The following SNRPB2 variants were observed in gnomAD, a reference collection of about 807,000 sequenced individuals.
SNRPB2 encodes the protein U2 small nuclear ribonucleoprotein B''.
SNRPB2 carries 16 observed loss-of-function variants against 26.3 expected under a neutral mutation model. The observed-to-expected ratio is 0.61, with a 90% confidence interval of 0.41 to 0.92. SNRPB2 has a LOEUF of 0.92. Ranked by LOEUF, SNRPB2 falls within the 40% of genes least tolerant of loss-of-function variation. The pLI, the probability that SNRPB2 is intolerant of heterozygous loss-of-function variation, is 0.00. For synonymous variants in SNRPB2, 75 were observed against 89.0 expected (o/e 0.84, Z 0.88); for missense variants, 179 against 268.1 (o/e 0.67, Z 2.32).
chr20:16,730,791 A>G (rs2072384778), intron 1 of SNRPB2: 1 of 152,290 alleles, frequency 6.6e-6, no homozygotes, highest in South Asian at 2.1e-4. Flanking sequence ...AAACCATGTA[A>G]AAAATGCAAT....
chr20:16,740,235 T>C lies in SNRPB2; in HGVS notation c.430-90T>C, dbSNP rs1185848192. 4 of 1,559,314 alleles carry C rather than the reference T, an allele frequency of 2.6e-6. No individual in the cohort carries two copies. The African/African-American group carries it at 4.1e-5, about 16-fold the overall frequency. ...TTCTCCAGTGTCATTGTTTTTCAGCTTTATTGTTTGATATAGTAAGATTTC... is the reference window on the plus strand; with the variant it reads ...TTCTCCAGTGTCATTGTTTTTCAGCCTTATTGTTTGATATAGTAAGATTTC... On this transcript the variant is annotated intron_variant, in intron 5 of 6. Transcript: ENST00000246071.
intron 3 of SNRPB2, among the ~76,000 whole-genome samples, chr20:16,735,071 AAG>A (rs750589014): frequency 6.6e-6 from 1 of 152,140 alleles, no homozygotes; most frequent in Non-Finnish European, 1.5e-5. Context: ...ACCAGCCAGA[AAG>A]AGCCTGGGAT....
At chr20:16,731,378 GAA>G (rs984019525) in intron 1 of SNRPB2, among the ~76,000 whole-genome samples, 2 of 152,314 alleles carry the variant, frequency 1.3e-5, no homozygotes, top group Admixed American at 6.5e-5. Flanking sequence ...GAGGTGGAAA[GAA>G]AATGTCACGT....
rs900159696 is a variant in SNRPB2 at position 16,742,497 on chromosome 20, T to C, written c.*1492T>C. The stretch of plus-strand genomic sequence containing the variant: ...ATACTCTGAGTGAAATGGGGGACTA[T>C]TTTAGAGAATTTTTTTAAAGTGGGT... On this transcript the variant is annotated 3_prime_UTR_variant, in exon 7 of 7. Transcript: ENST00000246071. 1.3e-5 allele frequency: 2 copies of C among 151,546 alleles called. No individual in the cohort carries two copies. Among genetic ancestry groups the C allele is most frequent in the East Asian group, 2.0e-4 (1 of 5,106 alleles). 9.4% of individuals were successfully genotyped at this position (151,546 alleles called of 1,614,324 possible).
At chr20:16,734,759 G>A (rs1426775641) in intron 3 of SNRPB2, among the ~76,000 whole-genome samples, 1 of 152,178 alleles carries the variant, frequency 6.6e-6, no homozygotes, top group African/African-American at 2.4e-5. Flanking sequence ...TGCTCTGACA[G>A]ACAAAATCAC....
At chr20:16,730,494 C>G (rs2072382450) in intron 1 of SNRPB2, 1 of 152,254 alleles carries the variant, frequency 6.6e-6, no homozygotes, top group Non-Finnish European at 1.5e-5. Context: ...AAGAGCCTCC[C>G]CTTTGTCCCC....
rs1472898494 is a variant in SNRPB2 at position 16,741,811 on chromosome 20, G to A, written c.*806G>A. 1 of 152,118 alleles carries A rather than the reference G, an allele frequency of 6.6e-6. No individual in the cohort carries two copies. The highest frequency in any genetic ancestry group is 1.5e-5 in the Non-Finnish European group (1 of 68,024). The allele number at this position is 152,118 out of a possible 1,614,324, so 9.4% of individuals were successfully genotyped here. A position where few individuals can be genotyped will look rare whatever the true frequency, so the allele number is the denominator to read the frequency against. The stretch of plus-strand genomic sequence containing the variant: ...TTCTTTGTAATTCTTAAACACCAAT[G>A]TTCAAATATTTCCAAAGCCCATTTT... On this transcript the variant is annotated 3_prime_UTR_variant, in exon 7 of 7. Coordinates refer to ENST00000246071, the MANE Select transcript of SNRPB2 (RefSeq NM_003092.5).
chr20:16,731,796 A>G (rs1285688675), intron 2 of SNRPB2, 30 bp downstream of exon 2: 1 of 1,610,362 alleles, frequency 6.2e-7, no homozygotes. Flanking sequence ...CTTGTTCACT[A>G]CTAAAATGTG....
intron 2 of SNRPB2, 22 bp from the exon 3 acceptor site, chr20:16,732,142 G>T (rs200682492): frequency 6.7e-7 from 1 of 1,486,700 alleles, no homozygotes; most frequent in Non-Finnish European, 9.2e-7. Context: ...CCAATAACTT[G>T]TTTCTTTTCT....
At chr20:16,732,892 G>A (rs2072402070) in intron 3 of SNRPB2, among the ~76,000 whole-genome samples, 1 of 152,194 alleles carries the variant, frequency 6.6e-6, no homozygotes, top group African/African-American at 2.4e-5. Flanking sequence ...GCTGGATGAA[G>A]GTCGCATTGT....
chr20:16,733,653 C>A (rs112179610), intron 3 of SNRPB2, among the ~76,000 whole-genome samples: 311 of 152,356 alleles, frequency 2.0e-3, no homozygotes, highest in Non-Finnish European at 2.9e-3. Flanking sequence ...CTACTCAACT[C>A]TGCTTTTATA....
At chr20:16,732,479 A>G in intron 3 of SNRPB2, 143 bp downstream of exon 3, 1 of 542,116 alleles carries the variant, frequency 1.8e-6, no homozygotes, top group Non-Finnish European at 3.2e-6. Context: ...TTATAGAAAA[A>G]CAGTAGTGGT....
At chr20:16,738,802 C>T (rs753354670) in intron 4 of SNRPB2, 50 bp from the exon 5 acceptor site, 25 of 985,922 alleles carry the variant, frequency 2.5e-5, no homozygotes, top group African/African-American at 3.2e-5. Context: ...ATACCTGCTG[C>T]GTTTTTGGAG....
intron 3 of SNRPB2, among the ~76,000 whole-genome samples, chr20:16,734,897 C>T (rs1170457444): frequency 6.6e-6 from 1 of 152,168 alleles, no homozygotes; most frequent in Non-Finnish European, 1.5e-5. Flanking sequence ...AGGTCAGGCA[C>T]GAGGTTGCAG....
At position 16,741,488 on chromosome 20, in the gene SNRPB2, G is replaced by A. The variant is rs2072462410; in HGVS notation, c.*483G>A. 2 of 152,182 alleles carry A rather than the reference G, an allele frequency of 1.3e-5. No individual in the cohort carries two copies. Among genetic ancestry groups the A allele is most frequent in the Admixed American group, 1.3e-4 (2 of 15,282 alleles). 9.4% of individuals were successfully genotyped at this position (152,182 alleles called of 1,614,324 possible). A position where few individuals can be genotyped will look rare whatever the true frequency, so the allele number is the denominator to read the frequency against. ...CAGGCAGGATCTAAATTTGATCTTT[G>A]TATCCTTTTAAGAAATGAATATATT... is the stretch of plus-strand genomic sequence containing the variant. On this transcript the variant is annotated 3_prime_UTR_variant, in exon 7 of 7. Transcript: ENST00000246071.
intron 3 of SNRPB2, among the ~76,000 whole-genome samples, chr20:16,734,730 C>T (rs1458144793): frequency 6.6e-6 from 1 of 152,224 alleles, no homozygotes; most frequent in Non-Finnish European, 1.5e-5. Flanking sequence ...CGAGTAATGT[C>T]TCCAGCTAGT....
intron 3 of SNRPB2, 129 bp downstream of exon 3, chr20:16,732,465 A>G (rs1199756204): frequency 8.7e-6 from 5 of 572,102 alleles, no homozygotes; most frequent in Non-Finnish European, 1.5e-5. Flanking sequence ...GGGTTTATGT[A>G]TTTTTATAGA....
At position 16,732,206 on chromosome 20, in the gene SNRPB2, A is replaced by G. The variant is rs146906743; in HGVS notation, c.107A>G (p.His36Arg). The stretch of plus-strand genomic sequence containing the variant: ...TATGCCCTGTTTTCTCAGTTTGGTC[A>G]TGTGGTGGACATTGTGGCTTTAAAG... ...SLYALFSQFG[H>R]VVDIVALKTM... The change falls in exon 3 of 7, where the codon CAT becomes CGT. Residue 36 changes from histidine to arginine, a missense_variant. By Grantham distance (29) the His-to-Arg change is conservative. Around this residue, in one of 2 missense-constraint regions of SNRPB2, gnomAD observed 145 missense variants for 180.7 expected, o/e 0.80. Coordinates refer to ENST00000246071, the MANE Select transcript of SNRPB2 (RefSeq NM_003092.5). 1.0e-5 allele frequency: 16 copies of G among 1,605,066 alleles called. No individual in the cohort carries two copies. The African/African-American group carries it at 1.1e-4, about 11-fold the overall frequency.
intron 3 of SNRPB2, among the ~76,000 whole-genome samples, chr20:16,733,001 C>T (rs2072403004): frequency 6.6e-6 from 1 of 152,152 alleles, no homozygotes; most frequent in Non-Finnish European, 1.5e-5. Flanking sequence ...GAGTGTGAAG[C>T]AAGGGGTTTC....
Sources: gnomAD v4.1 joint callset for allele counts (sites outside exome capture counted in the v4.1 genomes callset) on GRCh38, gnomAD v4.1.1 for gene constraint, gnomAD v4.1.1 regional missense constraint, MANE v1.5 for transcripts, NCBI Gene and HGNC (gene_info 2026-07-23, HGNC 2026-07-21) for gene names.